MAEL: variants seen among roughly 807,000 people sequenced by gnomAD.
The protein encoded by MAEL is protein maelstrom homolog.
In MAEL, 46 loss-of-function variants were observed where a neutral mutation model predicts 62.0. The ratio of observed to expected loss-of-function variants is 0.74; its 90% CI spans 0.59 to 0.95. MAEL has a LOEUF of 0.95. Among genes scored for constraint, MAEL ranks in the 40% least tolerant of loss-of-function variants. MAEL has a pLI of 0.00. For missense variants in MAEL, 497 were observed against 526.8 expected (o/e 0.94, Z 0.55); for synonymous variants, 172 against 175.5 (o/e 0.98, Z 0.16).
At chr1:166,999,535 T>A (rs1213422841) in intron 5 of MAEL, among the ~76,000 whole-genome samples, 1 of 152,206 alleles carries the variant, frequency 6.6e-6, no homozygotes, top group South Asian at 2.1e-4. Context: ...AAAGAAGCCA[T>A]CTCTATAACA....
rs1392267541 is a variant in MAEL, at chr1:167,021,898, A to G, written c.*43A>G. 2 of 1,330,098 alleles carry G rather than the reference A, an allele frequency of 1.5e-6. No individual in the cohort carries two copies. Among genetic ancestry groups the G allele is most frequent in the Non-Finnish European group, 2.1e-6 (2 of 945,278 alleles). 82.4% of individuals were successfully genotyped at this position (1,330,098 alleles called of 1,614,324 possible). A position where few individuals can be genotyped will look rare whatever the true frequency, so the allele number is the denominator to read the frequency against. ...ATTTCTGAAAACAGTAACAGGCCCAACTTCCTTCTTACTACAGTCATATTA... is the reference window on the plus strand; with the variant it reads ...ATTTCTGAAAACAGTAACAGGCCCAGCTTCCTTCTTACTACAGTCATATTA... On this transcript the variant is annotated 3_prime_UTR_variant, in exon 12 of 12. Coordinates refer to ENST00000367872, the MANE Select transcript of MAEL (RefSeq NM_032858.3).
intron 1 of MAEL, among the ~76,000 whole-genome samples, chr1:166,978,369 A>C (rs957947579): frequency 6.6e-6 from 1 of 152,174 alleles, no homozygotes; most frequent in African/African-American, 2.4e-5. Context: ...AAGGTGATGA[A>C]GGGTTAATAT....
chr1:167,014,969 A>T (rs1665326767), intron 8 of MAEL, among the ~76,000 whole-genome samples: 1 of 152,134 alleles, frequency 6.6e-6, no homozygotes, highest in Admixed American at 6.6e-5. Context: ...GGTTGCAGTG[A>T]GCAGAGATCG....
intron 8 of MAEL, among the ~76,000 whole-genome samples, chr1:167,006,636 T>TATATATATATATAC (rs1557982563): frequency 3.2e-5 from 3 of 92,346 alleles, no homozygotes; most frequent in African/African-American, 7.3e-5. Flanking sequence ...TATATATATA[T>TATATATATATATAC]ACATTTTTTT....
At chr1:167,004,126 C>G in intron 5 of MAEL, 54 bp from the exon 6 acceptor site, 1 of 1,514,646 alleles carries the variant, frequency 6.6e-7, no homozygotes. Context: ...CTATACCTAC[C>G]CCATAATATT....
At chr1:167,017,995 T>G (rs760392825) in intron 10 of MAEL, 36 bp downstream of exon 10, 1 of 1,605,674 alleles carries the variant, frequency 6.2e-7, no homozygotes, top group East Asian at 2.2e-5. Context: ...CTGGTCTCTT[T>G]AGCTGTTCTA....
chr1:166,997,745 A>G (rs1269163832), intron 5 of MAEL, among the ~76,000 whole-genome samples: 1 of 152,116 alleles, frequency 6.6e-6, no homozygotes, highest in African/African-American at 2.4e-5. Flanking sequence ...GATATTTTTT[A>G]TCATTTATGG....
chr1:166,982,645 A>T (rs139813422), intron 1 of MAEL, among the ~76,000 whole-genome samples: 96 of 152,110 alleles, frequency 6.3e-4, no homozygotes, highest in African/African-American at 2.2e-3. Flanking sequence ...GTTGAAAATC[A>T]CACCTTATAC....
At chr1:167,006,637 A>ATATC (rs59406485) in intron 8 of MAEL, among the ~76,000 whole-genome samples, 1 of 90,520 alleles carries the variant, frequency 1.1e-5, no homozygotes, top group African/African-American at 4.2e-5. Context: ...ATATATATAT[A>ATATC]CATTTTTTTT....
At chr1:167,021,231 G>A in intron 11 of MAEL, 71 bp downstream of exon 11, 1 of 1,066,704 alleles carries the variant, frequency 9.4e-7, no homozygotes, top group East Asian at 2.4e-5. Flanking sequence ...CCCAGGTGTG[G>A]TATTTAAACA....
intron 1 of MAEL, among the ~76,000 whole-genome samples, chr1:166,982,743 G>A (rs2102058860): frequency 6.6e-6 from 1 of 152,130 alleles, no homozygotes; most frequent in South Asian, 2.1e-4. Flanking sequence ...TGGAGGCCCT[G>A]TAAATCCTGT....
chr1:166,989,281 C>T lies in MAEL; in HGVS notation c.-72C>T. On this transcript the variant is annotated 5_prime_UTR_variant, in exon 1 of 12. Coordinates refer to ENST00000367872, the MANE Select transcript of MAEL (RefSeq NM_032858.3). ...CGTGCGCAGGCGCCTACCTCTGTTA[C>T]TTAGGGCGGGAGCCCGGCGAGGGCG... 4.5e-6 allele frequency: 7 copies of T among 1,540,840 alleles called. No individual in the cohort carries two copies. Among genetic ancestry groups the T allele is most frequent in the Non-Finnish European group, 6.1e-6 (7 of 1,140,620 alleles).
rs981717805 is a variant in MAEL at position 166,991,423 on chromosome 1, A to G, written c.271A>G (p.Lys91Glu). ...GAGGAGGCCAGGCATGCTTGTACCA[A>G]AGCAGAATGTTTCACCTCCAGATAT... ...PLRRPGMLVP[K>E]QNVSPPDMSA... is the part of the protein sequence containing the mutation. Residue 91 changes from lysine (K) to glutamate (E), a missense_variant, in exon 3 of 12, where the codon AAG (lysine) becomes GAG (glutamate). By Grantham distance (56) the Lys-to-Glu change is moderately conservative. Transcript: ENST00000367872. 11 of 1,613,502 alleles carry G rather than the reference A, an allele frequency of 6.8e-6. No homozygotes were observed. Among genetic ancestry groups the G allele is most frequent in the Non-Finnish European group, 8.5e-6 (10 of 1,179,644 alleles).
At position 167,021,774 on chromosome 1, in the gene MAEL, C is replaced by G; in HGVS notation, c.1224C>G (p.His408Gln). ...ESISNSSSNIHKFSNCDTSLS... is the reference protein window; with the variant it reads ...ESISNSSSNIQKFSNCDTSLS... ...TTTCCAATTCTTCCAGCAATATCCA[C>G]AAATTCTCCAACTGTGACACTTCAC... Residue 408 changes from histidine to glutamine, a missense_variant, in exon 12 of 12, where the codon CAC (histidine) becomes CAG (glutamine). Transcript: ENST00000367872. 2 of 1,613,008 alleles carry G rather than the reference C, an allele frequency of 1.2e-6. No homozygotes were observed. Among genetic ancestry groups the G allele is most frequent in the Non-Finnish European group, 1.7e-6 (2 of 1,179,188 alleles).
intron 2 of MAEL, among the ~76,000 whole-genome samples, chr1:166,991,138 G>A (rs369210898): frequency 1.4e-4 from 22 of 152,256 alleles, no homozygotes; most frequent in East Asian, 1.2e-3. Flanking sequence ...TCAGTAGTGG[G>A]CAAAATGGCT....
chr1:167,017,985 C>T lies in MAEL; in HGVS notation c.1041+26C>T, dbSNP rs191755145. On this transcript the variant is annotated intron_variant, in intron 10 of 11. Transcript: ENST00000367872. ...GTAAGGAACTGACTTTTAAGAGCTG[C>T]TGGTCTCTTTAGCTGTTCTACTCAA... The T allele has an allele frequency of 5.1e-5, 82 of 1,609,642 alleles. No individual in the cohort carries two copies. In the African/African-American group the frequency reaches 8.3e-4, roughly 16 times the overall value.
chr1:166,993,847 A>T (rs898725166), intron 4 of MAEL, among the ~76,000 whole-genome samples, 181 bp from the exon 5 acceptor site: 16 of 152,174 alleles, frequency 1.1e-4, no homozygotes, highest in Admixed American at 9.8e-4. Flanking sequence ...CAATATACCA[A>T]ATTCTTTAAC....
chr1:166,986,163 A>C (rs1257139389), upstream of MAEL, among the ~76,000 whole-genome samples: 3 of 152,330 alleles, frequency 2.0e-5, no homozygotes, highest in Admixed American at 6.5e-5. Flanking sequence ...AAGGAAAAAA[A>C]TGAAGAGAGC....
At chr1:167,002,148 T>C (rs1664697721) in intron 5 of MAEL, among the ~76,000 whole-genome samples, 1 of 152,238 alleles carries the variant, frequency 6.6e-6, no homozygotes, top group East Asian at 1.9e-4. Flanking sequence ...GGTCACTATA[T>C]ATTTTACATA....
Sources: gnomAD v4.1 joint callset for allele counts (sites outside exome capture counted in the v4.1 genomes callset) on GRCh38, gnomAD v4.1.1 for gene constraint, MANE v1.5 for transcripts, NCBI Gene and HGNC (gene_info 2026-07-23, HGNC 2026-07-21) for gene names.